KCNIP4: variants seen among roughly 807,000 people sequenced by gnomAD.
The protein encoded by KCNIP4 is Kv channel-interacting protein 4.
Under a neutral mutation model 34.0 loss-of-function variants are expected in KCNIP4, and 12 were observed. The observed-to-expected ratio is 0.35, with a 90% confidence interval of 0.23 to 0.57. The LOEUF (loss-of-function observed/expected upper bound fraction) is 0.57, where lower values mean the gene tolerates loss of function less well. Among genes scored for constraint, KCNIP4 ranks in the 20% least tolerant of loss-of-function variants. The pLI is 0.83. For missense variants in KCNIP4, 238 were observed against 311.7 expected, an observed-to-expected ratio of 0.76 and a Z score of 1.78; for synonymous variants, 124 against 102.2, an observed-to-expected ratio of 1.21 and a Z score of -1.29.
intron 2 of KCNIP4, among the ~76,000 whole-genome samples, chr4:20,855,092 C>G (rs1013967697): frequency 6.6e-6 from 1 of 152,138 alleles, no homozygotes; most frequent in Non-Finnish European, 1.5e-5. Context: ...TCCATAGAAC[C>G]TTTCCTGGCC....
chr4:21,265,085 C>T (rs1324025579), intron 1 of KCNIP4, among the ~76,000 whole-genome samples: 5 of 151,534 alleles, frequency 3.3e-5, no homozygotes, highest in Admixed American at 6.6e-5. Flanking sequence ...AGTGACAGAG[C>T]GAGACTCTGC....
At chr4:21,777,895 C>T in intron 1 of KCNIP4, among the ~76,000 whole-genome samples, 1 of 152,006 alleles carries the variant, frequency 6.6e-6, no homozygotes, top group African/African-American at 2.4e-5. Flanking sequence ...TTTAAATGCC[C>T]AAACCAAGGG....
At chr4:21,733,712 AAG>A (rs1447682835) in intron 1 of KCNIP4, among the ~76,000 whole-genome samples, 1 of 152,194 alleles carries the variant, frequency 6.6e-6, no homozygotes, top group Non-Finnish European at 1.5e-5. Flanking sequence ...CTACTGCAGG[AAG>A]AGTGGAGATT....
chr4:21,333,400 C>A (rs1342273871), intron 1 of KCNIP4, among the ~76,000 whole-genome samples: 2 of 150,452 alleles, frequency 1.3e-5, no homozygotes, highest in African/African-American at 4.9e-5. Context: ...AATCAGTAAG[C>A]CTTAATTGAA....
intron 1 of KCNIP4, among the ~76,000 whole-genome samples, chr4:21,775,319 C>G (rs988727724): frequency 6.6e-6 from 1 of 152,110 alleles, no homozygotes; most frequent in African/African-American, 2.4e-5. Flanking sequence ...TGGAAAAGAG[C>G]AAAGATGGGC....
chr4:21,899,408 T>C (rs1260551935), intron 1 of KCNIP4, among the ~76,000 whole-genome samples: 1 of 152,100 alleles, frequency 6.6e-6, no homozygotes, highest in East Asian at 1.9e-4. Flanking sequence ...ACCACTGTTA[T>C]ACAATATAGT....
At chr4:21,647,863 CTTTTTTTTTT>C (rs10539950) in intron 1 of KCNIP4, among the ~76,000 whole-genome samples, 12 of 60,178 alleles carry the variant, frequency 2.0e-4, no homozygotes, top group Non-Finnish European at 2.4e-4. Flanking sequence ...TACAATGATG[CTTTTTTTTTT>C]TTTTTTTTTT....
At chr4:21,946,095 C>T (rs1449178122) in intron 1 of KCNIP4, among the ~76,000 whole-genome samples, 1 of 151,202 alleles carries the variant, frequency 6.6e-6, no homozygotes, top group East Asian at 1.9e-4. Context: ...AATTGCAACT[C>T]GACTCTGTTC....
intron 1 of KCNIP4, among the ~76,000 whole-genome samples, chr4:21,810,520 C>G (rs1721573086): frequency 6.6e-6 from 1 of 151,926 alleles, no homozygotes; most frequent in Admixed American, 6.5e-5. Flanking sequence ...GAAACCCCAT[C>G]TCTACTAAAA....
chr4:21,428,786 T>C (rs1193200798), intron 1 of KCNIP4, among the ~76,000 whole-genome samples: 3 of 152,168 alleles, frequency 2.0e-5, no homozygotes, highest in Non-Finnish European at 4.4e-5. Context: ...CTAGACTCAT[T>C]TCTGAAATGC....
At chr4:20,945,705 T>C (rs1227719572) in intron 1 of KCNIP4, among the ~76,000 whole-genome samples, 1 of 152,064 alleles carries the variant, frequency 6.6e-6, no homozygotes, top group Admixed American at 6.6e-5. Context: ...AAAAGAATCC[T>C]TTCTCCTCTA....
intron 1 of KCNIP4, among the ~76,000 whole-genome samples, chr4:21,542,443 T>A (rs1488841536): frequency 1.3e-5 from 2 of 152,138 alleles, no homozygotes; most frequent in Non-Finnish European, 2.9e-5. Context: ...AGCTCAAATA[T>A]ATCATTTTAA....
At chr4:20,871,741 C>G (rs997829516) in intron 2 of KCNIP4, among the ~76,000 whole-genome samples, 1 of 152,100 alleles carries the variant, frequency 6.6e-6, no homozygotes, top group African/African-American at 2.4e-5. Flanking sequence ...CAGGGATAAA[C>G]AGTGTCTCTC....
At chr4:21,103,103 TA>T (rs1311380226) in intron 1 of KCNIP4, among the ~76,000 whole-genome samples, 1 of 151,906 alleles carries the variant, frequency 6.6e-6, no homozygotes, top group Non-Finnish European at 1.5e-5. Flanking sequence ...AATGGGGTGA[TA>T]GATATATTAT....
chr4:20,894,395 C>G (rs907262244), intron 1 of KCNIP4, among the ~76,000 whole-genome samples: 3 of 152,114 alleles, frequency 2.0e-5, no homozygotes, highest in South Asian at 4.1e-4. Context: ...CCAATGTCAC[C>G]CACAGTAACT....
intron 1 of KCNIP4, among the ~76,000 whole-genome samples, chr4:21,714,796 T>TTA (rs1174936262): frequency 2.1e-3 from 1 of 486 alleles, no homozygotes; most frequent in East Asian, 0.083. Context: ...ATTATTTTAT[T>TTA]TTATTTTATT....
chr4:21,671,809 A>G (rs1749521857), intron 1 of KCNIP4, among the ~76,000 whole-genome samples: 1 of 152,160 alleles, frequency 6.6e-6, no homozygotes, highest in Admixed American at 6.5e-5. Context: ...CTCATTTTAA[A>G]TGACCAGTGA....
At chr4:21,767,957 A>G (rs1718534416) in intron 1 of KCNIP4, among the ~76,000 whole-genome samples, 1 of 152,142 alleles carries the variant, frequency 6.6e-6, no homozygotes, top group Non-Finnish European at 1.5e-5. Flanking sequence ...AAGGAAGAAG[A>G]GAAGCCATTC....
chr4:21,447,498 T>C (rs1728133656), intron 1 of KCNIP4, among the ~76,000 whole-genome samples: 1 of 152,156 alleles, frequency 6.6e-6, no homozygotes. Flanking sequence ...ACTAATACAG[T>C]AGTGACTTGC....
Sources: allele counts gnomAD v4.1 joint callset (sites outside exome capture counted in the v4.1 genomes callset), GRCh38; gene constraint gnomAD v4.1.1; transcripts MANE v1.5; gene names NCBI Gene and HGNC (gene_info 2026-07-23, HGNC 2026-07-21).